The following ASIC4 variants were observed in gnomAD, a reference collection of about 807,000 sequenced individuals.
ASIC4 encodes acid sensing ion channel subunit family member 4.
ASIC4 carries 28 observed loss-of-function variants against 53.4 expected under a neutral mutation model. That is an observed-to-expected ratio of 0.52 (90% CI 0.39 to 0.72). The LOEUF (loss-of-function observed/expected upper bound fraction) is 0.72, where lower values mean the gene tolerates loss of function less well. ASIC4 is among the 30% of genes least tolerant of loss of function. The pLI, the probability that ASIC4 is intolerant of heterozygous loss-of-function variation, is 0.00. For synonymous variants in ASIC4, 289 were observed against 301.4 expected, an observed-to-expected ratio of 0.96 and a Z score of 0.43; for missense variants, 649 against 729.7, an observed-to-expected ratio of 0.89 and a Z score of 1.27.
intron 5 of ASIC4, chr2:219,533,920 C>A (rs1232015738): frequency 6.6e-6 from 1 of 150,648 alleles, no homozygotes; most frequent in Non-Finnish European, 1.5e-5. Context: ...ATAGTCCCAC[C>A]TATTCGGGAG....
intron 1 of ASIC4, among the ~76,000 whole-genome samples, chr2:219,519,901 T>C: frequency 7.1e-6 from 1 of 141,764 alleles, no homozygotes; most frequent in South Asian, 2.6e-4. Flanking sequence ...GGCTGGGGGC[T>C]GGGGGCAGTG....
intron 1 of ASIC4, among the ~76,000 whole-genome samples, chr2:219,519,691 A>G (rs1344373811): frequency 1.3e-5 from 2 of 152,210 alleles, no homozygotes; most frequent in African/African-American, 2.4e-5. Flanking sequence ...TCAAATAGCC[A>G]TACGTGGCTA....
chr2:219,520,392 CCA>C (rs368160048), intron 1 of ASIC4, among the ~76,000 whole-genome samples: 12 of 152,258 alleles, frequency 7.9e-5, no homozygotes, highest in African/African-American at 2.9e-4. Flanking sequence ...GTCCCAGGAC[CCA>C]GTTTCGGGCT....
intron 1 of ASIC4, among the ~76,000 whole-genome samples, 190 bp downstream of exon 1, chr2:219,515,496 C>G (rs1694771986): frequency 6.6e-6 from 1 of 152,260 alleles, no homozygotes; most frequent in South Asian, 2.1e-4. Context: ...AGTGGCCGCT[C>G]ATAGGGGCTT....
rs1247436429 is a variant in ASIC4, at chr2:219,514,551, A to C, written c.-174A>C. ...GCACCAGGGCTGCGGAGCTGCTGGG[A>C]GTGGGAGTGACTCCCCCACCTCGGG... On this transcript the variant is annotated 5_prime_UTR_variant, in exon 1 of 10. Coordinates refer to ENST00000358078, the MANE Select transcript of ASIC4 (RefSeq NM_018674.6). 6.4e-7 allele frequency: 1 copy of C among 1,561,878 alleles called. No individual in the cohort carries two copies.
upstream of ASIC4, among the ~76,000 whole-genome samples, chr2:219,511,593 G>A (rs551685456): frequency 1.2e-4 from 18 of 152,238 alleles, no homozygotes; most frequent in South Asian, 4.1e-4. The surrounding 1 kb of genome is among the most constrained non-coding windows in gnomAD (Gnocchi z 5.3). Context: ...CCAGCTCCCC[G>A]GCACTCCCAG....
At chr2:219,531,379 G>C (rs892088088) in intron 1 of ASIC4, among the ~76,000 whole-genome samples, 14 of 151,978 alleles carry the variant, frequency 9.2e-5, no homozygotes, top group Admixed American at 9.2e-4. Context: ...AAAAAAAGAA[G>C]AGAAAGAAGT....
intron 6 of ASIC4, among the ~76,000 whole-genome samples, chr2:219,535,648 CGT>C (rs147146087): frequency 6.7e-6 from 1 of 148,348 alleles, no homozygotes. Flanking sequence ...GGTCTGTGTG[CGT>C]GTGTGTGTGT....
At position 219,516,818 on chromosome 2, in the gene ASIC4, G is replaced by C. The variant is rs1694798958; in HGVS notation, c.582+1512G>C. ...GGAGTTAGGTAGAAATAGAGGGACA[G>C]GAGCAGGAGCATTGTGCAGGGAGAA... is the stretch of plus-strand genomic sequence containing the variant. On this transcript the variant is annotated intron_variant, in intron 1 of 9. Coordinates refer to ENST00000358078, the MANE Select transcript of ASIC4 (RefSeq NM_018674.6). This position sits in a 1 kb window ranked among gnomAD's most constrained non-coding sequence, Gnocchi z 4.9. 6.6e-6 allele frequency: 1 copy of C among 152,384 alleles called. No homozygotes were observed. The highest frequency in any genetic ancestry group is 1.5e-5 in the Non-Finnish European group (1 of 68,146). The allele number at this position is 152,384 out of a possible 1,614,324, so 9.4% of individuals were successfully genotyped here.
Position 219,537,959 on chromosome 2 carries a change from G to A in ASIC4, c.1533G>A (p.Val511=), listed in dbSNP as rs549553012. The change falls in exon 10 of 10, where the codon GTG becomes GTA. Residue 511 remains valine (V), a synonymous_variant. Transcript: ENST00000358078. The surrounding 1 kb of genome is among the most constrained non-coding windows in gnomAD (Gnocchi z 4.9). ...EQSPCPSRGR[V]EGGGVSSLLP... is the part of the protein sequence containing the mutation. ...GTCCCTGCCCGAGCCGGGGCCGAGT[G>A]GAGGGTGGGGGGGTCAGCAGTCTGC... The A allele has an allele frequency of 4.5e-5, 72 of 1,611,678 alleles. No individual in the cohort carries two copies. In the East Asian group the frequency reaches 1.2e-3, roughly 27 times the overall value.
intron 1 of ASIC4, among the ~76,000 whole-genome samples, chr2:219,527,640 G>A (rs1281389168): frequency 2.6e-5 from 4 of 152,210 alleles, no homozygotes; most frequent in Non-Finnish European, 5.9e-5. Flanking sequence ...AATCTCGGCT[G>A]TCATTTATTT....
chr2:219,519,354 G>A (rs1694851017), intron 1 of ASIC4, among the ~76,000 whole-genome samples: 1 of 152,184 alleles, frequency 6.6e-6, no homozygotes, highest in Admixed American at 6.5e-5. Flanking sequence ...ACTGTTGTCA[G>A]CACCACCTAC....
chr2:219,508,481 CTGA>C, the ASIC4 span, among the ~76,000 whole-genome samples: 1 of 152,046 alleles, frequency 6.6e-6, no homozygotes, highest in South Asian at 2.1e-4. Flanking sequence ...GCTAGCAAAG[CTGA>C]GGTCTTTGTA....
chr2:219,532,044 C>T lies in ASIC4; in HGVS notation c.771C>T (p.Ser257=), dbSNP rs780664613. The change falls in exon 3 of 10, where the codon AGC becomes AGT. Residue 257 remains serine, a synonymous_variant. Transcript: ENST00000358078. ...CAGGTATTCGGGTGCAGATCCACAG[C>T]CAGGAGGAGCCGCCCTACATCCACC... ...FEAGIRVQIH[S]QEEPPYIHQL... 42 of 1,614,250 alleles carry T rather than the reference C, an allele frequency of 2.6e-5. 2 individuals carry two copies. The Middle Eastern group carries it at 3.5e-3, about 133-fold the overall frequency.
upstream of ASIC4, among the ~76,000 whole-genome samples, chr2:219,513,911 C>T (rs895552344): frequency 6.6e-5 from 10 of 152,202 alleles, no homozygotes; most frequent in Non-Finnish European, 1.5e-4. Flanking sequence ...GTCTGTCTAG[C>T]CTGCCCTCCT....
rs1048577363 is a variant in ASIC4 at position 219,530,298 on chromosome 2, A to T, written c.583-1460A>T. On this transcript the variant is annotated intron_variant, in intron 1 of 9. Coordinates refer to ENST00000358078, the MANE Select transcript of ASIC4 (RefSeq NM_018674.6). The stretch of plus-strand genomic sequence containing the variant: ...CTGCCGCTGCGCAGCTCCTGGTGGC[A>T]GCTAAATCCCCAGCGGGAGCCTGGG... Among the ~76,000 whole-genome samples the T allele has an allele frequency of 2.0e-5, 3 of 152,238 alleles. No individual in the cohort carries two copies. In the South Asian group the frequency reaches 6.2e-4, roughly 32 times the overall value.
chr2:219,513,025 G>A (rs1249922754), upstream of ASIC4, among the ~76,000 whole-genome samples: 5 of 152,214 alleles, frequency 3.3e-5, no homozygotes, highest in African/African-American at 9.6e-5. Flanking sequence ...GAGGCTGCGG[G>A]GCCAGGCCTG....
chr2:219,532,714 T>C (rs546521554), intron 4 of ASIC4, 169 bp from the exon 5 acceptor site: 1 of 824,746 alleles, frequency 1.2e-6, no homozygotes, highest in East Asian at 2.6e-5. Context: ...ACGTGCATGC[T>C]CATTTATATC....
At position 219,534,764 on chromosome 2, in the gene ASIC4, GCCATCCATCCAT is replaced by G. The variant is rs56026817; in HGVS notation, c.1076-370_1076-359del. Among the ~76,000 whole-genome samples the G allele has an allele frequency of 8.4e-3, 1,271 of 151,086 alleles. 14 individuals are homozygous for G. The highest frequency in any genetic ancestry group is 0.013 in the Non-Finnish European group (895 of 67,830). On this transcript the variant is annotated intron_variant, in intron 5 of 9. Transcript: ENST00000358078. ...CGCCCATCCGTCGATCTGGCCATCT[GCCATCCATCCAT>G]CCATCCATCCATCCATCCATCCATC...
Sources: gnomAD v4.1 joint callset for allele counts (sites outside exome capture counted in the v4.1 genomes callset) on GRCh38, gnomAD v4.1.1 for gene constraint, Gnocchi (gnomAD v3.1) non-coding constraint, MANE v1.5 for transcripts, NCBI Gene and HGNC (gene_info 2026-07-23, HGNC 2026-07-21) for gene names.